Variants in FBLN1 observed in about 807,000 individuals in gnomAD.
The protein encoded by FBLN1 is fibulin-1.
A neutral mutation model predicts 89.7 loss-of-function variants in FBLN1; 34 were observed. The observed-to-expected ratio is 0.38, with a 90% CI of 0.29 to 0.50. FBLN1 has a LOEUF of 0.50. Ranked by LOEUF, FBLN1 falls within the 20% of genes least tolerant of loss-of-function variation. The pLI is 0.92. For missense variants in FBLN1, 777 were observed against 988.1 expected (o/e 0.79, Z 2.86); for synonymous variants, 393 against 391.3 (o/e 1.00, Z -0.05).
At chr22:45,509,738 A>T (rs1317654144) in intron 1 of FBLN1, among the ~76,000 whole-genome samples, 5 of 151,898 alleles carry the variant, frequency 3.3e-5, no homozygotes, top group Non-Finnish European at 5.9e-5. Flanking sequence ...GGTTGGGTGG[A>T]GTCGCCCAGT....
chr22:45,519,368 C>G (rs536890862), intron 2 of FBLN1, among the ~76,000 whole-genome samples: 2 of 152,208 alleles, frequency 1.3e-5, no homozygotes, highest in South Asian at 4.1e-4. Context: ...CGCCTGTAAT[C>G]CCAGCACTTT....
Position 45,543,425 on chromosome 22 carries a change from C to T in FBLN1, c.1220C>T (p.Pro407Leu), listed in dbSNP as rs777879469. Residue 407 changes from proline (P) to leucine (L), a missense_variant, in exon 11 of 17, where the codon CCC becomes CTC. Coordinates refer to ENST00000327858, the MANE Select transcript of FBLN1 (RefSeq NM_006486.3). ...CVDVNECQRYPGRLCGHKCEN... is the reference protein window; with the variant it reads ...CVDVNECQRYLGRLCGHKCEN... ...GATGTCAACGAGTGCCAGCGCTACC[C>T]CGGGCGCCTGTGTGGCCACAAGTGC... The T allele has an allele frequency of 1.2e-6, 2 of 1,613,566 alleles. No homozygotes were observed. The highest frequency in any genetic ancestry group is 2.2e-5 in the East Asian group (1 of 44,878).
intron 14 of FBLN1, among the ~76,000 whole-genome samples, chr22:45,570,710 C>G (rs892037266): frequency 2.0e-5 from 3 of 152,068 alleles, no homozygotes; most frequent in African/African-American, 7.2e-5. Flanking sequence ...AGAAAACTTT[C>G]CATAAATTAA....
chr22:45,522,145 G>T (rs996637020), intron 2 of FBLN1, among the ~76,000 whole-genome samples: 1 of 152,030 alleles, frequency 6.6e-6, no homozygotes, highest in South Asian at 2.1e-4. Flanking sequence ...GTCACCATGC[G>T]TGGCTAATTT....
chr22:45,523,548 T>C (rs1397238927), intron 2 of FBLN1, among the ~76,000 whole-genome samples: 1 of 152,000 alleles, frequency 6.6e-6, no homozygotes, highest in Non-Finnish European at 1.5e-5. Context: ...ACTAAAAATA[T>C]AAAAAATTAG....
chr22:45,565,622 T>C (rs1040378318), intron 14 of FBLN1: 21 of 201,988 alleles, frequency 1.0e-4, no homozygotes, highest in African/African-American at 4.6e-4. Flanking sequence ...CTGGTTAATT[T>C]CTGTATTCTC....
intron 2 of FBLN1, among the ~76,000 whole-genome samples, chr22:45,524,973 A>G (rs1022289889): frequency 2.2e-4 from 33 of 152,070 alleles, no homozygotes; most frequent in Admixed American, 5.2e-4. Context: ...AGTCCCAGCT[A>G]CTGGGGAGGC....
Position 45,536,663 on chromosome 22 carries a change from G to A in FBLN1, c.922+1326G>A, listed in dbSNP as rs962415427. 6.6e-6 allele frequency among the ~76,000 whole-genome samples: 1 copy of A among 152,086 alleles called. No individual in the cohort carries two copies. Among genetic ancestry groups the A allele is most frequent in the African/African-American group, 2.4e-5 (1 of 41,406 alleles). Reference sequence around the variant, plus strand: ...GCCTGTAATCCCAGCTGCTTAGGAGGCTGAGGCAGCAGAATCGCTTGAGCC... The same window carrying A: ...GCCTGTAATCCCAGCTGCTTAGGAGACTGAGGCAGCAGAATCGCTTGAGCC... On this transcript the variant is annotated intron_variant, in intron 8 of 16. Coordinates refer to ENST00000327858, the MANE Select transcript of FBLN1 (RefSeq NM_006486.3). The surrounding 1 kb of genome is among the most constrained non-coding windows in gnomAD (Gnocchi z 5.1).
At position 45,530,110 on chromosome 22, in the gene FBLN1, A is replaced by G. The variant is rs921434030; in HGVS notation, c.485-1155A>G. ...CTTAGTTTTTCAAGTCCAGGGCCCC[A>G]TGGATGCCACTGAGATGATTTCAGA... On this transcript the variant is annotated intron_variant, in intron 4 of 16. Coordinates refer to ENST00000327858, the MANE Select transcript of FBLN1 (RefSeq NM_006486.3). The surrounding 1 kb of genome is among the most constrained non-coding windows in gnomAD (Gnocchi z 5.4). 6.6e-6 allele frequency among the ~76,000 whole-genome samples: 1 copy of G among 152,124 alleles called. No homozygotes were observed. Among genetic ancestry groups the G allele is most frequent in the African/African-American group, 2.4e-5 (1 of 41,430 alleles).
rs1029579968 is a variant in FBLN1, at chr22:45,575,527, T to G, written c.1840+874T>G. On this transcript the variant is annotated intron_variant, in intron 15 of 16. Coordinates refer to ENST00000327858, the MANE Select transcript of FBLN1 (RefSeq NM_006486.3). This position sits in a 1 kb window ranked among gnomAD's most constrained non-coding sequence, Gnocchi z 6.3. ...AGGCTTTGGGGGAACCATCGGAAGG[T>G]TGCAGTGGAGGAGGTTTGCATATAG... 6.6e-6 allele frequency among the ~76,000 whole-genome samples: 1 copy of G among 152,040 alleles called. No individual in the cohort carries two copies. Among genetic ancestry groups the G allele is most frequent in the African/African-American group, 2.4e-5 (1 of 41,396 alleles).
In FBLN1 at chr22:45,579,503, T is replaced by A. The variant is rs2089025618; in HGVS notation, c.1972+2395T>A. On this transcript the variant is annotated intron_variant, in intron 16 of 16. Coordinates refer to ENST00000327858, the MANE Select transcript of FBLN1 (RefSeq NM_006486.3). The surrounding 1 kb of genome is among the most constrained non-coding windows in gnomAD (Gnocchi z 5.5). The stretch of plus-strand genomic sequence containing the variant: ...TCACGGGTGCCCTGGTCTTTGGAAT[T>A]CTGGGCTGGGGCTGCGTGGGGGAGG... 6.6e-6 allele frequency among the ~76,000 whole-genome samples: 1 copy of A among 152,216 alleles called. No homozygotes were observed. Among genetic ancestry groups the A allele is most frequent in the Non-Finnish European group, 1.5e-5 (1 of 68,030 alleles).
chr22:45,508,591 T>C (rs1266425053), intron 1 of FBLN1, among the ~76,000 whole-genome samples: 1 of 152,132 alleles, frequency 6.6e-6, no homozygotes, highest in Admixed American at 6.5e-5. Flanking sequence ...GACTTGAATC[T>C]TTAAGTCTAG....
At chr22:45,565,478 G>A (rs1330195099) in intron 14 of FBLN1, 2 of 355,326 alleles carry the variant, frequency 5.6e-6, no homozygotes, top group Admixed American at 7.9e-5. Flanking sequence ...ACTTGGCTCA[G>A]AAGTCACCTC....
rs1199936699 is a variant in FBLN1 at position 45,572,385 on chromosome 22, G to A, written c.1698-2126G>A. Among the ~76,000 whole-genome samples, 1 of 152,096 alleles carries A rather than the reference G, an allele frequency of 6.6e-6. No homozygotes were observed. The highest frequency in any genetic ancestry group is 1.5e-5 in the Non-Finnish European group (1 of 68,018). On this transcript the variant is annotated intron_variant, in intron 14 of 16. Coordinates refer to ENST00000327858, the MANE Select transcript of FBLN1 (RefSeq NM_006486.3). This position sits in a 1 kb window ranked among gnomAD's most constrained non-coding sequence, Gnocchi z 5.8. Reference sequence around the variant, plus strand: ...TCAACAAAGGATAAAAATTGCAGAGGATCAAACCTCATCGGAGTGGCTTCC... The same window carrying A: ...TCAACAAAGGATAAAAATTGCAGAGAATCAAACCTCATCGGAGTGGCTTCC...
Position 45,539,242 on chromosome 22 carries a change from C to T in FBLN1, c.923-1987C>T, listed in dbSNP as rs2088523729. Among the ~76,000 whole-genome samples the T allele has an allele frequency of 2.1e-5, 3 of 145,856 alleles. No homozygotes were observed. In the South Asian group the frequency reaches 7.0e-4, roughly 34 times the overall value. On this transcript the variant is annotated intron_variant, in intron 8 of 16. Coordinates refer to ENST00000327858, the MANE Select transcript of FBLN1 (RefSeq NM_006486.3). ...TTTTTGAGACAGTCTCACTGTCACC[C>T]AGGCTGGAGTGCAGTGGTGCAATCT...
chr22:45,585,502 G>C (rs1040057725), intron 16 of FBLN1, among the ~76,000 whole-genome samples: 13 of 152,226 alleles, frequency 8.5e-5, no homozygotes, highest in African/African-American at 3.1e-4. Flanking sequence ...ACAACAGCGC[G>C]GCCGTCCCTG....
intron 1 of FBLN1, among the ~76,000 whole-genome samples, chr22:45,510,523 A>G (rs937708643): frequency 6.6e-6 from 1 of 152,022 alleles, no homozygotes; most frequent in East Asian, 1.9e-4. Context: ...CCCCTCTGTG[A>G]CAGTCTGCTT....
At position 45,530,785 on chromosome 22, in the gene FBLN1, C is replaced by T. The variant is rs2088395052; in HGVS notation, c.485-480C>T. Among the ~76,000 whole-genome samples the T allele has an allele frequency of 6.6e-6, 1 of 151,348 alleles. No homozygotes were observed. Among genetic ancestry groups the T allele is most frequent in the African/African-American group, 2.4e-5 (1 of 41,146 alleles). The stretch of plus-strand genomic sequence containing the variant: ...TATAACTGATCTTTTTTTTTTGAAA[C>T]GGAGTCTCGCTCTTGTTGCCCAGGC... On this transcript the variant is annotated intron_variant, in intron 4 of 16. Coordinates refer to ENST00000327858, the MANE Select transcript of FBLN1 (RefSeq NM_006486.3). The surrounding 1 kb of genome is among the most constrained non-coding windows in gnomAD (Gnocchi z 5.4).
At position 45,518,720 on chromosome 22, in the gene FBLN1, G is replaced by A; in HGVS notation, c.118G>A (p.Gly40Arg). The change falls in exon 2 of 17, where the codon GGA becomes AGA. Residue 40 changes from glycine (G) to arginine (R), a missense_variant. Gly to Arg is a moderately radical substitution (Grantham distance 125). Transcript: ENST00000327858. Reference sequence around the variant, plus strand: ...CCTCCTGGAGGCCTGCTGTGCGGACGGACACCGGATGGCCACTCATCAGAA... The same window carrying A: ...CCTCCTGGAGGCCTGCTGTGCGGACAGACACCGGATGGCCACTCATCAGAA... ...DVLLEACCADGHRMATHQKDC... is the reference protein window; with the variant it reads ...DVLLEACCADRHRMATHQKDC... The A allele has an allele frequency of 3.1e-6, 5 of 1,611,834 alleles. No homozygotes were observed. Among genetic ancestry groups the A allele is most frequent in the Non-Finnish European group, 4.2e-6 (5 of 1,179,152 alleles).
Sources: allele counts gnomAD v4.1 joint callset (sites outside exome capture counted in the v4.1 genomes callset), GRCh38; gene constraint gnomAD v4.1.1; non-coding constraint Gnocchi (gnomAD v3.1); transcripts MANE v1.5; gene names NCBI Gene and HGNC (gene_info 2026-07-23, HGNC 2026-07-21).